NOS1AP: variants seen among roughly 807,000 people sequenced by gnomAD.
NOS1AP encodes the protein nitric oxide synthase 1 adaptor protein, also known as carboxyl-terminal PDZ ligand of neuronal nitric oxide synthase protein.
NOS1AP carries 21 observed loss-of-function variants against 56.2 expected under a neutral mutation model. The observed-to-expected ratio is 0.37, with a 90% confidence interval of 0.26 to 0.54. NOS1AP has a LOEUF of 0.54. NOS1AP is among the 20% of genes least tolerant of loss of function. The probability of loss-of-function intolerance (pLI) is 0.84; values close to 1 mark genes in which losing one functional copy is unlikely to be tolerated. For missense variants in NOS1AP, 522 were observed against 657.8 expected, an observed-to-expected ratio of 0.79 and a Z score of 2.26; for synonymous variants, 270 against 274.6, an observed-to-expected ratio of 0.98 and a Z score of 0.17.
chr1:162,119,529 T>C (rs1274006539), intron 1 of NOS1AP, among the ~76,000 whole-genome samples: 2 of 152,172 alleles, frequency 1.3e-5, no homozygotes, highest in African/African-American at 2.4e-5. Context: ...CAACAAATGG[T>C]AAAATATAAG....
chr1:162,299,995 C>T (rs541987568), intron 3 of NOS1AP, among the ~76,000 whole-genome samples: 30 of 151,986 alleles, frequency 2.0e-4, no homozygotes, highest in South Asian at 4.2e-4. Flanking sequence ...ATACCCCTTG[C>T]GCTTTCCCCC....
intron 2 of NOS1AP, among the ~76,000 whole-genome samples, chr1:162,261,393 G>A (rs1436066553): frequency 1.5e-5 from 2 of 131,268 alleles, no homozygotes; most frequent in Non-Finnish European, 3.1e-5. Context: ...TCTTGAGATG[G>A]GAGATTACCC....
chr1:162,277,161 TATGGACC>T lies in NOS1AP; in HGVS notation c.178-10182_178-10176del. 1.3e-5 allele frequency among the ~76,000 whole-genome samples: 2 copies of T among 152,340 alleles called. 1 individual carries two copies. The highest frequency in any genetic ancestry group is 4.1e-4 in the South Asian group (2 of 4,824). On this transcript the variant is annotated intron_variant, in intron 2 of 9. Transcript: ENST00000361897. ...ATTAACAAGGTCCCTGAGTGATTTA[TATGGACC>T]TTCAAGTTTGAGAAGCACCAGTTTA...
At chr1:162,181,507 AT>A (rs1022468016) in intron 2 of NOS1AP, among the ~76,000 whole-genome samples, 12 of 152,226 alleles carry the variant, frequency 7.9e-5, no homozygotes, top group African/African-American at 2.9e-4. Flanking sequence ...TATTTGCATA[AT>A]TTTTACTTCA....
intron 4 of NOS1AP, among the ~76,000 whole-genome samples, chr1:162,323,264 T>C (rs925626937): frequency 3.3e-5 from 5 of 152,220 alleles, no homozygotes; most frequent in African/African-American, 1.2e-4. Context: ...CAAGGATTGT[T>C]GGCAGCAGCC....
At chr1:162,100,247 C>T (rs1390535029) in intron 1 of NOS1AP, among the ~76,000 whole-genome samples, 9 of 151,446 alleles carry the variant, frequency 5.9e-5, no homozygotes, top group Admixed American at 5.9e-4. Context: ...ACAGTCCCAC[C>T]AACAGTGTAA....
chr1:162,356,854 T>C, intron 7 of NOS1AP, 106 bp from the exon 8 acceptor site: 3 of 1,604,266 alleles, frequency 1.9e-6, no homozygotes, highest in Admixed American at 1.7e-5. Context: ...AGCTTATGGG[T>C]TGTAAGTGTG....
At chr1:162,191,810 G>A (rs192757084) in intron 2 of NOS1AP, among the ~76,000 whole-genome samples, 1 of 152,220 alleles carries the variant, frequency 6.6e-6, no homozygotes, top group Non-Finnish European at 1.5e-5. Flanking sequence ...TGGTAATAAT[G>A]TCATTGAAAT....
At chr1:162,168,524 ATG>A (rs1300192518) in intron 2 of NOS1AP, among the ~76,000 whole-genome samples, 1 of 152,238 alleles carries the variant, frequency 6.6e-6, no homozygotes, top group East Asian at 1.9e-4. Flanking sequence ...CAGAGGGAGA[ATG>A]TGGCAGTAGG....
intron 1 of NOS1AP, among the ~76,000 whole-genome samples, chr1:162,100,161 C>T (rs1692349795): frequency 6.6e-6 from 1 of 152,192 alleles, no homozygotes; most frequent in Non-Finnish European, 1.5e-5. Flanking sequence ...AATGGGATGG[C>T]TGGGTCAAAT....
At chr1:162,261,509 A>AGAGAGAGAG (rs1654224715) in intron 2 of NOS1AP, among the ~76,000 whole-genome samples, 1 of 15,166 alleles carries the variant, frequency 6.6e-5, no homozygotes. Flanking sequence ...AGAGAGAGAG[A>AGAGAGAGAG]GAGAGAGAGA....
intron 2 of NOS1AP, among the ~76,000 whole-genome samples, chr1:162,179,366 A>G (rs1033008264): frequency 1.3e-5 from 2 of 152,156 alleles, no homozygotes; most frequent in East Asian, 1.9e-4. Flanking sequence ...CTGGCTTTCA[A>G]ATGCAGGCTG....
intron 6 of NOS1AP, among the ~76,000 whole-genome samples, chr1:162,352,148 C>T (rs1308680884): frequency 1.3e-5 from 2 of 152,138 alleles, no homozygotes; most frequent in Non-Finnish European, 2.9e-5. Flanking sequence ...CAACCTCCGC[C>T]TCCTGGGTTC....
chr1:162,359,760 T>C (rs1048862018), intron 8 of NOS1AP, among the ~76,000 whole-genome samples: 6 of 152,160 alleles, frequency 3.9e-5, no homozygotes, highest in African/African-American at 1.4e-4. Flanking sequence ...AGGTCAGCTC[T>C]TACTTGTTCT....
chr1:162,103,453 TG>T (rs1294071724), intron 1 of NOS1AP, among the ~76,000 whole-genome samples: 2 of 152,192 alleles, frequency 1.3e-5, no homozygotes. Flanking sequence ...CACGTCCACT[TG>T]ATTCAGAGCT....
chr1:162,360,720 T>C (rs1657872140), intron 8 of NOS1AP: 1 of 438,538 alleles, frequency 2.3e-6, no homozygotes, highest in Non-Finnish European at 4.6e-6. Flanking sequence ...CCCTGTGGCT[T>C]CTCCCAGTCC....
At position 162,307,495 on chromosome 1, in the gene NOS1AP, G is replaced by C. The variant is rs561640319; in HGVS notation, c.344+6789G>C. 2.6e-5 allele frequency among the ~76,000 whole-genome samples: 4 copies of C among 152,216 alleles called. No individual in the cohort carries two copies. The South Asian group carries it at 6.2e-4, about 24-fold the overall frequency. Reference sequence around the variant, plus strand: ...AATGGCATCAGTTAACATCCAAATAGTGACATGATTAAGAATTAGAAGTCT... The same window carrying C: ...AATGGCATCAGTTAACATCCAAATACTGACATGATTAAGAATTAGAAGTCT... On this transcript the variant is annotated intron_variant, in intron 4 of 9. Coordinates refer to ENST00000361897, the MANE Select transcript of NOS1AP (RefSeq NM_014697.3).
intron 1 of NOS1AP, among the ~76,000 whole-genome samples, chr1:162,105,441 T>C (rs1647457325): frequency 6.6e-6 from 1 of 152,220 alleles, no homozygotes; most frequent in Non-Finnish European, 1.5e-5. Context: ...GCAGGTATGC[T>C]GCATTAGGGG....
At chr1:162,202,008 G>T (rs1306717289) in intron 2 of NOS1AP, among the ~76,000 whole-genome samples, 2 of 152,270 alleles carry the variant, frequency 1.3e-5, no homozygotes, top group East Asian at 3.9e-4. Flanking sequence ...TTCTATGGGG[G>T]TGGTGGAGAA....
Sources: allele counts gnomAD v4.1 joint callset (sites outside exome capture counted in the v4.1 genomes callset), GRCh38; gene constraint gnomAD v4.1.1; transcripts MANE v1.5; gene names NCBI Gene and HGNC (gene_info 2026-07-23, HGNC 2026-07-21).